Variants in ARHGEF3 observed in about 807,000 individuals in gnomAD.
ARHGEF3 encodes Rho guanine nucleotide exchange factor 3.
ARHGEF3 carries 28 observed loss-of-function variants against 63.2 expected under a neutral mutation model. The observed-to-expected ratio is 0.44, with a 90% CI of 0.33 to 0.61. The LOEUF is 0.61. Among genes scored for constraint, ARHGEF3 ranks in the 20% least tolerant of loss-of-function variants. The pLI, the probability that ARHGEF3 is intolerant of heterozygous loss-of-function variation, is 0.03. For missense variants in ARHGEF3, 533 were observed against 659.3 expected, an observed-to-expected ratio of 0.81 and a Z score of 2.10; for synonymous variants, 266 against 254.2, an observed-to-expected ratio of 1.05 and a Z score of -0.44.
chr3:56,856,011 T>C (rs1159358010), intron 4 of ARHGEF3, among the ~76,000 whole-genome samples: 8 of 152,230 alleles, frequency 5.3e-5, no homozygotes, highest in Non-Finnish European at 7.3e-5. Flanking sequence ...TGACATTTCA[T>C]TGTTTTACTC....
intron 3 of ARHGEF3, among the ~76,000 whole-genome samples, chr3:56,899,209 A>G (rs979576843): frequency 6.6e-6 from 1 of 152,240 alleles, no homozygotes; most frequent in African/African-American, 2.4e-5. Flanking sequence ...AGGTAGAAGG[A>G]CATAGAAAGT....
intron 2 of ARHGEF3, among the ~76,000 whole-genome samples, chr3:56,994,533 G>C (rs1181998694): frequency 1.3e-5 from 2 of 152,028 alleles, no homozygotes; most frequent in African/African-American, 4.8e-5. Context: ...CAGCCCTCTT[G>C]GAAAAGGGAT....
intron 2 of ARHGEF3, among the ~76,000 whole-genome samples, chr3:57,006,255 C>T (rs1418511532): frequency 6.6e-6 from 1 of 152,178 alleles, no homozygotes; most frequent in African/African-American, 2.4e-5. Context: ...CACTGAGAAG[C>T]CAAGTTCTGC....
chr3:57,053,534 A>G (rs1304335491), intron 1 of ARHGEF3, among the ~76,000 whole-genome samples: 1 of 152,224 alleles, frequency 6.6e-6, no homozygotes, highest in Non-Finnish European at 1.5e-5. Flanking sequence ...CATAAAACGC[A>G]TCAATCTTAA....
chr3:57,011,880 T>G (rs913204307), intron 2 of ARHGEF3, among the ~76,000 whole-genome samples: 3 of 152,118 alleles, frequency 2.0e-5, no homozygotes, highest in African/African-American at 2.4e-5. Flanking sequence ...GGCCTCTGAT[T>G]TGCACTATGA....
intron 6 of ARHGEF3, 80 bp from the exon 7 acceptor site, chr3:56,745,542 C>T: frequency 6.6e-7 from 1 of 1,507,410 alleles, no homozygotes; most frequent in African/African-American, 1.4e-5. Flanking sequence ...TTTATTGGGA[C>T]TGAACAAACA....
In ARHGEF3 at chr3:57,042,690, A is replaced by AT. The variant is rs1271376418; in HGVS notation, c.-27-7515dup. Among the ~76,000 whole-genome samples, 38 of 13,096 alleles carry AT rather than the reference A, an allele frequency of 2.9e-3. 2 individuals carry two copies. Among genetic ancestry groups the AT allele is most frequent in the Non-Finnish European group, 4.8e-3 (35 of 7,330 alleles). 8.6% of individuals were successfully genotyped at this position (13,096 alleles called of 152,430 possible). A position where few individuals can be genotyped will look rare whatever the true frequency, so the allele number is the denominator to read the frequency against. On this transcript the variant is annotated intron_variant, in intron 1 of 12. Transcript: ENST00000338458. ...TATATATATATATATATATATATATATATATATATATTTTTTTTTTTTTTT... is the reference window on the plus strand; with the variant it reads ...TATATATATATATATATATATATATATTATATATATATTTTTTTTTTTTTTT...
chr3:57,021,198 T>C (rs1387332634), intron 2 of ARHGEF3, among the ~76,000 whole-genome samples: 1 of 152,184 alleles, frequency 6.6e-6, no homozygotes, highest in Non-Finnish European at 1.5e-5. Context: ...CATTAGGAAA[T>C]CTATCAATAT....
At position 56,743,557 on chromosome 3, in the gene ARHGEF3, G is replaced by C. The variant is rs140676987; in HGVS notation, c.870+1648C>G. ...GAACAGCTATCTCCTAGGCTGTTGTGACGGTTAAATGAGATACATAACCTA... is the reference window on the plus strand; with the variant it reads ...GAACAGCTATCTCCTAGGCTGTTGTCACGGTTAAATGAGATACATAACCTA... On this transcript the variant is annotated intron_variant, in intron 7 of 9. Transcript: ENST00000296315. Among the ~76,000 whole-genome samples the C allele has an allele frequency of 7.2e-5, 11 of 152,286 alleles. No homozygotes were observed. In the East Asian group the frequency reaches 2.1e-3, roughly 29 times the overall value.
In ARHGEF3 at chr3:56,728,891, C is replaced by G. The variant is rs1310452948; in HGVS notation, c.*379G>C. On this transcript the variant is annotated 3_prime_UTR_variant, in exon 10 of 10. Transcript: ENST00000296315. ...AATTCCGTGCCTTTAGCTACCACATCTAAGAGCTGGGAAAGTGGTACAGAA... is the reference window on the plus strand; with the variant it reads ...AATTCCGTGCCTTTAGCTACCACATGTAAGAGCTGGGAAAGTGGTACAGAA... 1 of 188,792 alleles carries G rather than the reference C, an allele frequency of 5.3e-6. No individual in the cohort carries two copies. Among genetic ancestry groups the G allele is most frequent in the Non-Finnish European group, 1.1e-5 (1 of 89,534 alleles). The allele number at this position is 188,792 out of a possible 1,614,324, so 11.7% of individuals were successfully genotyped here.
chr3:57,066,764 T>C (rs570992691), intron 1 of ARHGEF3, among the ~76,000 whole-genome samples: 11 of 152,226 alleles, frequency 7.2e-5, no homozygotes, highest in Non-Finnish European at 1.6e-4. Context: ...CTCCATGATG[T>C]GGTGGGCTTT....
At chr3:56,963,619 T>C (rs1450026035) in intron 2 of ARHGEF3, among the ~76,000 whole-genome samples, 1 of 152,234 alleles carries the variant, frequency 6.6e-6, no homozygotes, top group African/African-American at 2.4e-5. Flanking sequence ...CGAAACTTTT[T>C]TCGTCTTTTC....
At chr3:57,007,337 CTGAAGGAAAGACAGCCA>C in intron 2 of ARHGEF3, 1 of 1,289,764 alleles carries the variant, frequency 7.8e-7, no homozygotes, top group Non-Finnish European at 1.0e-6. Context: ...TCCAACAGCC[CTGAAGGAAAGACAGCCA>C]TGAAACAGTC....
rs550617988 is a variant in ARHGEF3 at position 56,930,730 on chromosome 3, C to T, written c.129+28093G>A. 1.1e-4 allele frequency among the ~76,000 whole-genome samples: 16 copies of T among 152,184 alleles called. No individual in the cohort carries two copies. The South Asian group carries it at 3.3e-3, about 32-fold the overall frequency. On this transcript the variant is annotated intron_variant, in intron 3 of 12. Transcript: ENST00000338458. ...GGAACTTTAGTCTTTAAACCAAAAC[C>T]CTAAAATATATTTTTTAAATGCATG...
intron 1 of ARHGEF3, among the ~76,000 whole-genome samples, chr3:57,063,645 G>T (rs923831313): frequency 6.6e-6 from 1 of 152,148 alleles, no homozygotes; most frequent in African/African-American, 2.4e-5. Context: ...GGAGAGTCGG[G>T]CATCCTAGAA....
At chr3:57,003,735 C>G (rs971620363) in intron 2 of ARHGEF3, among the ~76,000 whole-genome samples, 30 of 152,108 alleles carry the variant, frequency 2.0e-4, no homozygotes, top group African/African-American at 6.3e-4. Flanking sequence ...CAAGAAGGTC[C>G]GAGCAGTAGT....
chr3:56,860,421 A>G (rs1389503485), intron 4 of ARHGEF3, among the ~76,000 whole-genome samples: 2 of 152,132 alleles, frequency 1.3e-5, no homozygotes, highest in Non-Finnish European at 2.9e-5. Context: ...GGCCTCAAGC[A>G]GTCCTTCCAC....
At chr3:56,920,810 T>C (rs2042108055) in intron 3 of ARHGEF3, among the ~76,000 whole-genome samples, 1 of 152,062 alleles carries the variant, frequency 6.6e-6, no homozygotes, top group Non-Finnish European at 1.5e-5. Flanking sequence ...CCCAGCACTT[T>C]GGGAGGCCGA....
chr3:57,015,214 A>G (rs1702940229), intron 2 of ARHGEF3, among the ~76,000 whole-genome samples: 1 of 152,198 alleles, frequency 6.6e-6, no homozygotes, highest in Non-Finnish European at 1.5e-5. Flanking sequence ...AGCCACCTGC[A>G]GACACATGGT....
Sources: allele counts gnomAD v4.1 joint callset (sites outside exome capture counted in the v4.1 genomes callset), GRCh38; gene constraint gnomAD v4.1.1; transcripts MANE v1.5; gene names NCBI Gene and HGNC (gene_info 2026-07-23, HGNC 2026-07-21).